Variants in ALMS1 observed in about 807,000 individuals in gnomAD.
ALMS1 encodes ALMS1 centrosome and basal body associated protein.
ALMS1 carries 271 observed loss-of-function variants against 352.2 expected under a neutral mutation model. The observed-to-expected ratio is 0.77, with a 90% confidence interval of 0.70 to 0.85. ALMS1 has a LOEUF of 0.85. Among genes scored for constraint, ALMS1 ranks in the 40% least tolerant of loss-of-function variants. The probability of loss-of-function intolerance (pLI) is 0.00; values close to 1 mark genes in which losing one functional copy is unlikely to be tolerated. For missense variants in ALMS1, 5,445 were observed against 4,870.7 expected (o/e 1.12, Z -3.51); for synonymous variants, 1,865 against 1,761.2 (o/e 1.06, Z -1.48).
At chr2:73,443,576 A>T (rs896028044) in intron 7 of ALMS1, among the ~76,000 whole-genome samples, 1 of 148,360 alleles carries the variant, frequency 6.7e-6, no homozygotes, top group Non-Finnish European at 1.5e-5. Flanking sequence ...GAATTTAGTA[A>T]TTGCTTTTTT....
intron 15 of ALMS1, among the ~76,000 whole-genome samples, chr2:73,564,287 G>A (rs1054318359): frequency 6.6e-6 from 1 of 151,810 alleles, no homozygotes; most frequent in African/African-American, 2.4e-5. Context: ...TCAACATGGC[G>A]AAACCCCGTC....
chr2:73,609,640 G>A lies in ALMS1; in HGVS notation c.*28G>A. On this transcript the variant is annotated 3_prime_UTR_variant, in exon 23 of 23. Coordinates refer to ENST00000613296, the MANE Select transcript of ALMS1 (RefSeq NM_001378454.1). ...CAAGTTTATTTTCCTCAGAGCCTTGGAATTCTATTTTATGAACCTAGAGAA... is the reference window on the plus strand; with the variant it reads ...CAAGTTTATTTTCCTCAGAGCCTTGAAATTCTATTTTATGAACCTAGAGAA... 1 of 1,610,616 alleles carries A rather than the reference G, an allele frequency of 6.2e-7. No homozygotes were observed. The highest frequency in any genetic ancestry group is 8.5e-7 in the Non-Finnish European group (1 of 1,176,814).
intron 11 of ALMS1, among the ~76,000 whole-genome samples, chr2:73,526,895 C>G (rs1246833346): frequency 1.3e-5 from 2 of 152,132 alleles, no homozygotes; most frequent in Non-Finnish European, 2.9e-5. Flanking sequence ...CAGTATGATA[C>G]TAGCTGTGGG....
intron 9 of ALMS1, among the ~76,000 whole-genome samples, chr2:73,473,780 A>G (rs1672516388): frequency 6.6e-6 from 1 of 152,124 alleles, no homozygotes; most frequent in Non-Finnish European, 1.5e-5. Context: ...AGTAGTCTGA[A>G]CAAAGAATCA....
In ALMS1 at chr2:73,422,120, G is replaced by A. The variant is rs531110950; in HGVS notation, c.647-737G>A. Among the ~76,000 whole-genome samples the A allele has an allele frequency of 4.6e-5, 7 of 151,970 alleles. No homozygotes were observed. The South Asian group carries it at 1.2e-3, about 27-fold the overall frequency. ...TTTAAAATGTATTTATTAATTCATT[G>A]AAAAAGTACATATTTTATAAAAAAT... On this transcript the variant is annotated intron_variant, in intron 3 of 22. Transcript: ENST00000613296.
chr2:73,494,593 C>G (rs549092137), intron 10 of ALMS1, among the ~76,000 whole-genome samples: 1 of 152,206 alleles, frequency 6.6e-6, no homozygotes, highest in Non-Finnish European at 1.5e-5. Flanking sequence ...TTTTGTCTTT[C>G]ATGACCTTGA....
chr2:73,404,899 C>CTTTTTTTTTTTTTTTTTTTTT (rs58122480), intron 1 of ALMS1, among the ~76,000 whole-genome samples: 1 of 60,788 alleles, frequency 1.6e-5, no homozygotes, highest in African/African-American at 1.1e-4. Context: ...TGTCCTGGAC[C>CTTTTTTTTTTTTTTTTTTTTT]TTTTTTTTTT....
chr2:73,525,121 G>C (rs1389219373), intron 11 of ALMS1, among the ~76,000 whole-genome samples: 1 of 151,986 alleles, frequency 6.6e-6, no homozygotes, highest in Non-Finnish European at 1.5e-5. Flanking sequence ...TACTGCCTTT[G>C]TGTATATGTA....
At chr2:73,560,949 G>A (rs1674647598) in intron 15 of ALMS1, among the ~76,000 whole-genome samples, 1 of 152,178 alleles carries the variant, frequency 6.6e-6, no homozygotes, top group Admixed American at 6.5e-5. Context: ...CAAAGGCTGG[G>A]CCCAGAACAA....
chr2:73,409,669 T>G (rs968962286), intron 2 of ALMS1, among the ~76,000 whole-genome samples: 3 of 152,182 alleles, frequency 2.0e-5, no homozygotes, highest in Non-Finnish European at 1.5e-5. Flanking sequence ...TGGTATATTA[T>G]TCAGGGTTCT....
At chr2:73,471,792 T>G (rs1276711957) in intron 9 of ALMS1, among the ~76,000 whole-genome samples, 3 of 151,952 alleles carry the variant, frequency 2.0e-5, no homozygotes, top group Non-Finnish European at 2.9e-5. Flanking sequence ...GTAGCTGCTG[T>G]GGAAAATAGT....
chr2:73,589,158 A>G (rs6722867), intron 16 of ALMS1, among the ~76,000 whole-genome samples: 66,738 of 151,900 alleles, frequency 0.44, 16,004 homozygotes, highest in African/African-American at 0.65. Context: ...ATGTTCTAAT[A>G]AGAAACCATA....
intron 10 of ALMS1, among the ~76,000 whole-genome samples, chr2:73,519,563 T>A (rs1673628837): frequency 6.6e-6 from 1 of 152,204 alleles, no homozygotes; most frequent in Non-Finnish European, 1.5e-5. Flanking sequence ...TAAAAGTAGG[T>A]TTTAAGATAA....
chr2:73,536,046 A>G (rs1674021341), intron 12 of ALMS1, among the ~76,000 whole-genome samples: 1 of 152,212 alleles, frequency 6.6e-6, no homozygotes, highest in Non-Finnish European at 1.5e-5. Flanking sequence ...AACCACAAAA[A>G]TACTCACCAC....
intron 2 of ALMS1, among the ~76,000 whole-genome samples, chr2:73,416,548 C>G (rs551925393): frequency 7.2e-5 from 11 of 152,146 alleles, no homozygotes; most frequent in Admixed American, 5.2e-4. Context: ...TCTTCAAAGA[C>G]AAAAGTCTTG....
chr2:73,399,538 G>A (rs571419212), intron 1 of ALMS1, among the ~76,000 whole-genome samples: 38 of 151,760 alleles, frequency 2.5e-4, no homozygotes, highest in Non-Finnish European at 4.6e-4. Flanking sequence ...GGTCTTGTGT[G>A]AACTTAGAGT....
rs748154914 is a variant in ALMS1, at chr2:73,490,771, G to A, written c.8812G>A (p.Val2938Ile). The part of the protein sequence containing the change: ...ELFEQCKAPY[V>I]DHQMRENHSP... Reference sequence around the variant, plus strand: ...CTTTGAACAGTGCAAAGCCCCATATGTAGATCATCAAATGAGAGAAAACCA... The same window carrying A: ...CTTTGAACAGTGCAAAGCCCCATATATAGATCATCAAATGAGAGAAAACCA... The change falls in exon 10 of 23, where the codon GTA (valine) becomes ATA (isoleucine). Residue 2938 changes from valine to isoleucine, a missense_variant. By Grantham distance (29) the Val-to-Ile change is conservative. Coordinates refer to ENST00000613296, the MANE Select transcript of ALMS1 (RefSeq NM_001378454.1). The A allele has an allele frequency of 6.2e-7, 1 of 1,614,088 alleles. No homozygotes were observed. Among genetic ancestry groups the A allele is most frequent in the Admixed American group, 1.7e-5 (1 of 60,024 alleles).
chr2:73,433,696 A>G lies in ALMS1; in HGVS notation c.1432+1405A>G, dbSNP rs72909340. Among the ~76,000 whole-genome samples the G allele has an allele frequency of 4.4e-3, 672 of 152,166 alleles. 7 individuals carry two copies. The highest frequency in any genetic ancestry group is 0.014 in the African/African-American group (569 of 41,520). ...GATCACTTGGAAGAGTCTGGAAAGG[A>G]TTGGTATTAATTGTTTTTGAATAGA... On this transcript the variant is annotated intron_variant, in intron 7 of 22. Coordinates refer to ENST00000613296, the MANE Select transcript of ALMS1 (RefSeq NM_001378454.1).
intron 9 of ALMS1, among the ~76,000 whole-genome samples, chr2:73,479,189 A>G (rs184206859): frequency 9.8e-5 from 15 of 152,332 alleles, no homozygotes; most frequent in African/African-American, 3.6e-4. Context: ...GTAGTTTCAC[A>G]TGTGATAAAT....
Sources: allele counts gnomAD v4.1 joint callset (sites outside exome capture counted in the v4.1 genomes callset), GRCh38; gene constraint gnomAD v4.1.1; transcripts MANE v1.5; gene names NCBI Gene and HGNC (gene_info 2026-07-23, HGNC 2026-07-21).